Variants in DOCK10 observed in about 807,000 individuals in gnomAD.
The protein encoded by DOCK10 is dedicator of cytokinesis protein 10.
In DOCK10, 145 loss-of-function variants were observed where a neutral mutation model predicts 280.1. That is an observed-to-expected ratio of 0.52 (90% confidence interval 0.45 to 0.59). The LOEUF (loss-of-function observed/expected upper bound fraction) is 0.59, where lower values mean the gene tolerates loss of function less well. DOCK10 is among the 20% of genes least tolerant of loss of function. The pLI, the probability that DOCK10 is intolerant of heterozygous loss-of-function variation, is 0.00. For missense variants in DOCK10, 2,368 were observed against 2,651.7 expected (o/e 0.89, Z 2.35); for synonymous variants, 915 against 942.2 (o/e 0.97, Z 0.53).
At position 224,787,382 on chromosome 2, in the gene DOCK10, G is replaced by C; in HGVS notation, c.5434C>G (p.Gln1812Glu). ...AGAAACTCCACACACATGTATAGCT[G>C]CTCCACCAGGATATTCTGCAATTCC... ...TPYNENILVE[Q>E]LYMCVEFLWK... The change falls in exon 49 of 56, where the codon CAG (glutamine) becomes GAG (glutamate). Residue 1812 changes from glutamine (Q) to glutamate (E), a missense_variant. Gln to Glu is a conservative substitution (Grantham distance 29). Around this residue, in one of 2 missense-constraint regions of DOCK10, gnomAD observed 1,159 missense variants for 1,400.8 expected, o/e 0.83. Transcript: ENST00000258390. 1 of 1,613,870 alleles carries C rather than the reference G, an allele frequency of 6.2e-7. No homozygotes were observed. The highest frequency in any genetic ancestry group is 8.5e-7 in the Non-Finnish European group (1 of 1,179,848).
chr2:224,905,131 C>T (rs1192505510), intron 3 of DOCK10, among the ~76,000 whole-genome samples: 3 of 151,944 alleles, frequency 2.0e-5, no homozygotes, highest in African/African-American at 7.3e-5. Context: ...ATATTATACT[C>T]ATTGGATCTT....
intron 1 of DOCK10, among the ~76,000 whole-genome samples, chr2:224,964,904 G>A (rs1357307292): frequency 5.3e-5 from 8 of 152,166 alleles, no homozygotes; most frequent in Non-Finnish European, 8.8e-5. Flanking sequence ...CAATGGCTAC[G>A]GGTAGAGACA....
chr2:224,949,395 A>C (rs1410433887), intron 1 of DOCK10, among the ~76,000 whole-genome samples: 2 of 152,246 alleles, frequency 1.3e-5, no homozygotes, highest in Non-Finnish European at 2.9e-5. Flanking sequence ...ATCCAAGACC[A>C]ATAAATCATC....
At chr2:225,016,392 T>C (rs1414986413) in intron 1 of DOCK10, among the ~76,000 whole-genome samples, 3 of 151,826 alleles carry the variant, frequency 2.0e-5, no homozygotes, top group Non-Finnish European at 2.9e-5. Flanking sequence ...GGAAATATTA[T>C]GATGTTCTTA....
intron 30 of DOCK10, among the ~76,000 whole-genome samples, chr2:224,815,976 C>T (rs1456464952): frequency 6.6e-6 from 1 of 151,778 alleles, no homozygotes; most frequent in African/African-American, 2.4e-5. Context: ...GAGGTTGCAG[C>T]GAGCCAAGAT....
At chr2:224,833,201 T>C (rs185458110) in intron 26 of DOCK10, among the ~76,000 whole-genome samples, 13 of 152,228 alleles carry the variant, frequency 8.5e-5, no homozygotes, top group Admixed American at 1.3e-4. Flanking sequence ...TTTAAAACAT[T>C]ACTCCTCTGT....
intron 1 of DOCK10, among the ~76,000 whole-genome samples, chr2:224,956,625 G>GA (rs3083983): frequency 0.032 from 2,497 of 78,524 alleles, 82 homozygotes; most frequent in Non-Finnish European, 0.039. Flanking sequence ...CGCTACCTCA[G>GA]AAAAAAAAAA....
intron 14 of DOCK10, among the ~76,000 whole-genome samples, chr2:224,858,385 G>A (rs1312879163): frequency 1.3e-5 from 2 of 151,954 alleles, no homozygotes; most frequent in Admixed American, 1.3e-4. Context: ...GTGGCTGGGC[G>A]CGGTGGCTCA....
chr2:224,936,044 G>A (rs139301327), intron 1 of DOCK10, among the ~76,000 whole-genome samples: 4 of 152,290 alleles, frequency 2.6e-5, no homozygotes, highest in African/African-American at 9.6e-5. Context: ...AGACTCCAGA[G>A]CTGCTGTTCC....
chr2:225,016,261 A>G (rs1031232099), intron 1 of DOCK10, among the ~76,000 whole-genome samples: 1 of 152,052 alleles, frequency 6.6e-6, no homozygotes, highest in Non-Finnish European at 1.5e-5. Context: ...TAGATGTCAA[A>G]AGTTTCTGTT....
At chr2:224,833,041 A>T (rs564364064) in intron 26 of DOCK10, among the ~76,000 whole-genome samples, 75 of 151,310 alleles carry the variant, frequency 5.0e-4, no homozygotes, top group Non-Finnish European at 9.0e-4. Flanking sequence ...CATTCCCTTC[A>T]CTCCATATTT....
chr2:224,963,232 A>G (rs953148440), intron 1 of DOCK10, among the ~76,000 whole-genome samples: 11 of 152,166 alleles, frequency 7.2e-5, no homozygotes, highest in Admixed American at 5.2e-4. Context: ...CACGTTTAAG[A>G]CCATGTCTTT....
intron 51 of DOCK10, among the ~76,000 whole-genome samples, chr2:224,777,374 A>G (rs1220858168): frequency 6.6e-6 from 1 of 152,208 alleles, no homozygotes; most frequent in Non-Finnish European, 1.5e-5. Context: ...ACCTGCCCTC[A>G]ATCTGGGTTG....
rs577560581 is a variant in DOCK10, at chr2:224,904,912, T to C, written c.334-8535A>G. ...TGAGACAAGATAAATTTCATTCTAGTTAGATATATTTCTTTCAGTTAAAAA... is the reference window on the plus strand; with the variant it reads ...TGAGACAAGATAAATTTCATTCTAGCTAGATATATTTCTTTCAGTTAAAAA... On this transcript the variant is annotated intron_variant, in intron 3 of 55. Coordinates refer to ENST00000258390, the MANE Select transcript of DOCK10 (RefSeq NM_014689.3). Among the ~76,000 whole-genome samples, 18 of 152,282 alleles carry C rather than the reference T, an allele frequency of 1.2e-4. No homozygotes were observed. In the South Asian group the frequency reaches 3.7e-3, roughly 32 times the overall value.
intron 3 of DOCK10, among the ~76,000 whole-genome samples, chr2:224,914,547 A>C (rs1345405209): frequency 1.3e-5 from 2 of 152,208 alleles, no homozygotes; most frequent in African/African-American, 2.4e-5. Flanking sequence ...AAGCTGTTGT[A>C]TTAATAGGAC....
intron 18 of DOCK10, among the ~76,000 whole-genome samples, chr2:224,850,326 C>T (rs1034865294): frequency 6.6e-5 from 10 of 152,058 alleles, no homozygotes; most frequent in Admixed American, 2.0e-4. Flanking sequence ...GCCTATTCAC[C>T]GGCTGGGGCT....
intron 1 of DOCK10, among the ~76,000 whole-genome samples, chr2:225,013,202 C>A (rs1278753111): frequency 6.6e-6 from 1 of 152,122 alleles, no homozygotes; most frequent in Non-Finnish European, 1.5e-5. Flanking sequence ...CAAATCATTT[C>A]TTTGTTAAAA....
At chr2:224,862,814 C>T (rs1697604719) in intron 13 of DOCK10, 68 bp from the exon 14 acceptor site, 1 of 934,092 alleles carries the variant, frequency 1.1e-6, no homozygotes, top group Admixed American at 3.0e-5. Context: ...TAAAATAATA[C>T]TAAATACTTT....
At chr2:224,962,598 C>T (rs61287559) in intron 1 of DOCK10, among the ~76,000 whole-genome samples, 2,768 of 152,246 alleles carry the variant, frequency 0.018, 85 homozygotes, top group African/African-American at 0.064. Flanking sequence ...TACCACATTC[C>T]GCTTGTACTG....
Sources: allele counts gnomAD v4.1 joint callset (sites outside exome capture counted in the v4.1 genomes callset), GRCh38; gene constraint gnomAD v4.1.1; regional missense constraint gnomAD v4.1.1; transcripts MANE v1.5; gene names NCBI Gene and HGNC (gene_info 2026-07-23, HGNC 2026-07-21).